The following GCNT1 variants were observed in gnomAD, a reference collection of about 807,000 sequenced individuals.
The protein encoded by GCNT1 is beta-1,3-galactosyl-O-glycosyl-glycoprotein beta-1,6-N-acetylglucosaminyltransferase.
Under a neutral mutation model 26.2 loss-of-function variants are expected in GCNT1, and 16 were observed. That is an observed-to-expected ratio of 0.61 (90% CI 0.41 to 0.93). GCNT1 has a LOEUF of 0.93. Among genes scored for constraint, GCNT1 ranks in the 40% least tolerant of loss-of-function variants. The pLI, the probability that GCNT1 is intolerant of heterozygous loss-of-function variation, is 0.00. For synonymous variants in GCNT1, 183 were observed against 190.8 expected (o/e 0.96, Z 0.34); for missense variants, 477 against 526.7 (o/e 0.91, Z 0.92).
the GCNT1 span, chr9:76,398,624 T>A: frequency 1.2e-6 from 1 of 840,824 alleles, no homozygotes; most frequent in East Asian, 2.6e-5. Flanking sequence ...TGTTTTTGCT[T>A]TCCGCGCTAC....
intron 2 of GCNT1, among the ~76,000 whole-genome samples, chr9:76,497,811 C>G (rs1426040174): frequency 6.6e-6 from 1 of 152,176 alleles, no homozygotes; most frequent in Non-Finnish European, 1.5e-5. Flanking sequence ...AACTTAAAAT[C>G]TGTTTACTTT....
At chr9:76,421,686 G>GTTTTTTTTTTT (rs375605387) in intron 1 of GCNT1, among the ~76,000 whole-genome samples, 3 of 84,376 alleles carry the variant, frequency 3.6e-5, no homozygotes, top group African/African-American at 4.9e-5. Context: ...TTGTTTGTAG[G>GTTTTTTTTTTT]TTGTTTTTTT....
chr9:76,456,087 T>C (rs1004851909), upstream of GCNT1, among the ~76,000 whole-genome samples: 3 of 152,242 alleles, frequency 2.0e-5, no homozygotes, highest in Non-Finnish European at 1.5e-5. Flanking sequence ...TATTGAAGTA[T>C]GTCTTAGAGT....
intron 2 of GCNT1, among the ~76,000 whole-genome samples, chr9:76,499,970 G>T (rs965496920): frequency 9.9e-5 from 15 of 151,756 alleles, no homozygotes; most frequent in African/African-American, 3.4e-4. Flanking sequence ...TACCATACTC[G>T]TGCTTTCTTT....
At chr9:76,480,003 C>A (rs1226074443) in intron 2 of GCNT1, among the ~76,000 whole-genome samples, 2 of 152,258 alleles carry the variant, frequency 1.3e-5, no homozygotes, top group African/African-American at 2.4e-5. Context: ...ACATTTAATT[C>A]TTTAATCCAT....
chr9:76,487,349 G>A (rs955075880), intron 2 of GCNT1, among the ~76,000 whole-genome samples: 1 of 152,096 alleles, frequency 6.6e-6, no homozygotes, highest in African/African-American at 2.4e-5. Context: ...AGTCACAGCA[G>A]CCTCTGGGAC....
upstream of GCNT1, among the ~76,000 whole-genome samples, chr9:76,417,486 A>G (rs1823143037): frequency 6.6e-6 from 1 of 152,258 alleles, no homozygotes; most frequent in Non-Finnish European, 1.5e-5. Context: ...GTAACTGGAT[A>G]AGAAGCCAGA....
chr9:76,462,568 CA>C (rs1823896610), intron 2 of GCNT1, among the ~76,000 whole-genome samples: 1 of 152,148 alleles, frequency 6.6e-6, no homozygotes, highest in African/African-American at 2.4e-5. Flanking sequence ...CAGACATAGG[CA>C]AATGTTCCCC....
At chr9:76,402,393 CAT>C in the GCNT1 span, among the ~76,000 whole-genome samples, 1 of 152,140 alleles carries the variant, frequency 6.6e-6, no homozygotes, top group African/African-American at 2.4e-5. Flanking sequence ...TCATAAAAGA[CAT>C]TTTTAAATGA....
intron 1 of GCNT1, among the ~76,000 whole-genome samples, chr9:76,452,314 C>T (rs57339182): frequency 0.19 from 29,569 of 151,942 alleles, 3,426 homozygotes; most frequent in Non-Finnish European, 0.27. Flanking sequence ...CATTAGCAGA[C>T]CAAAATATAT....
Position 76,503,581 on chromosome 9 carries a change from TA to T in GCNT1, c.1202del (p.Lys401SerfsTer18), listed in dbSNP as rs1564249755. 1.2e-6 allele frequency: 2 copies of T among 1,614,188 alleles called. No individual in the cohort carries two copies. The highest frequency in any genetic ancestry group is 1.7e-6 in the Non-Finnish European group (2 of 1,180,000). On this transcript the variant is annotated frameshift_variant, in exon 4 of 4. Coordinates refer to ENST00000376730, the MANE Select transcript of GCNT1 (RefSeq NM_001490.5). LOFTEE classifies it high-confidence loss of function. ...TGCGCAAACACCACTTGTTTGCCAATAAGTTTGACGTGGATGTTGACCTCTT... is the reference window on the plus strand; with the variant it reads ...TGCGCAAACACCACTTGTTTGCCAATAGTTTGACGTGGATGTTGACCTCTT... ...MLRKHHLFAN[K>X]FDVDVDLFAI...
chr9:76,413,753 G>T, the GCNT1 span, among the ~76,000 whole-genome samples: 1 of 144,956 alleles, frequency 6.9e-6, no homozygotes, highest in Non-Finnish European at 1.5e-5. Context: ...ATTAATTTGT[G>T]GAAAGTCTCA....
At chr9:76,394,044 T>C in the GCNT1 span, 1 of 1,539,314 alleles carries the variant, frequency 6.5e-7, no homozygotes. Flanking sequence ...CTCTCCCCGC[T>C]CCCCACGTGA....
chr9:76,404,407 G>A, the GCNT1 span, among the ~76,000 whole-genome samples: 1 of 152,094 alleles, frequency 6.6e-6, no homozygotes, highest in South Asian at 2.1e-4. Flanking sequence ...TAGTGGGGTG[G>A]TGGTATAGAT....
intron 2 of GCNT1, among the ~76,000 whole-genome samples, chr9:76,483,403 G>A: frequency 6.7e-6 from 1 of 148,798 alleles, no homozygotes; most frequent in Non-Finnish European, 1.5e-5. Context: ...TTAAGGAGGG[G>A]TTTTTTTTTT....
intron 1 of GCNT1, among the ~76,000 whole-genome samples, chr9:76,453,276 G>A (rs1260491910): frequency 6.6e-6 from 1 of 152,168 alleles, no homozygotes; most frequent in South Asian, 2.1e-4. Flanking sequence ...GTAGGAAAAG[G>A]TGTGTAGGAA....
At chr9:76,461,658 CAGGT>C (rs895439579) in intron 2 of GCNT1, among the ~76,000 whole-genome samples, 1 of 151,664 alleles carries the variant, frequency 6.6e-6, no homozygotes, top group Non-Finnish European at 1.5e-5. Flanking sequence ...GAGGCTGAGG[CAGGT>C]GGATCACTTG....
chr9:76,471,098 C>T (rs1415946034), intron 2 of GCNT1, among the ~76,000 whole-genome samples: 1 of 152,210 alleles, frequency 6.6e-6, no homozygotes, highest in East Asian at 1.9e-4. Context: ...TCTCACACTA[C>T]TTATGCTAAT....
chr9:76,405,030 G>T, the GCNT1 span, among the ~76,000 whole-genome samples: 2 of 151,782 alleles, frequency 1.3e-5, no homozygotes, highest in South Asian at 2.1e-4. Context: ...TGTTGACCAG[G>T]CTGGTCTCAA....
Sources: gnomAD v4.1 joint callset for allele counts (sites outside exome capture counted in the v4.1 genomes callset) on GRCh38, gnomAD v4.1.1 for gene constraint, MANE v1.5 for transcripts, NCBI Gene and HGNC (gene_info 2026-07-23, HGNC 2026-07-21) for gene names.